SLC4A5: variants seen among roughly 807,000 people sequenced by gnomAD.
SLC4A5 encodes electrogenic sodium bicarbonate cotransporter 4.
Under a neutral mutation model 120.4 loss-of-function variants are expected in SLC4A5, and 96 were observed. That is an observed-to-expected ratio of 0.80 (90% CI 0.68 to 0.94). SLC4A5 has a LOEUF of 0.94. Ranked by LOEUF, SLC4A5 falls within the 40% of genes least tolerant of loss-of-function variation. The pLI is 0.00. For synonymous variants in SLC4A5, 550 were observed against 571.1 expected, an observed-to-expected ratio of 0.96 and a Z score of 0.53; for missense variants, 1,259 against 1,459.5, an observed-to-expected ratio of 0.86 and a Z score of 2.24.
intron 26 of SLC4A5, chr2:74,227,506 G>A: frequency 6.2e-7 from 1 of 1,611,244 alleles, no homozygotes; most frequent in Non-Finnish European, 8.5e-7. Context: ...GAGGTACAGT[G>A]AAATGCTCAC....
intron 22 of SLC4A5, among the ~76,000 whole-genome samples, chr2:74,234,336 G>A (rs866686332): frequency 2.0e-5 from 3 of 151,958 alleles, no homozygotes; most frequent in African/African-American, 7.3e-5. Context: ...CCGCCACCAC[G>A]CCCGGCTAAT....
intron 3 of SLC4A5, among the ~76,000 whole-genome samples, chr2:74,335,977 G>A (rs1673477271): frequency 6.6e-6 from 1 of 152,182 alleles, no homozygotes; most frequent in Non-Finnish European, 1.5e-5. Context: ...AATGTACTGA[G>A]TTTTTACTAT....
chr2:74,231,154 A>T, intron 25 of SLC4A5, 82 bp downstream of exon 25: 1 of 1,352,168 alleles, frequency 7.4e-7, no homozygotes, highest in Non-Finnish European at 1.0e-6. Context: ...ATCCCTAGCC[A>T]TGTGGGGACC....
intron 7 of SLC4A5, chr2:74,290,160 C>T (rs1672111773): frequency 1.0e-6 from 1 of 985,474 alleles, no homozygotes; most frequent in Admixed American, 6.1e-5. Context: ...CAAGGCCAGA[C>T]AAGAAGGCAA....
chr2:74,245,177 G>A (rs1447598723), intron 19 of SLC4A5, among the ~76,000 whole-genome samples: 2 of 152,074 alleles, frequency 1.3e-5, no homozygotes, highest in African/African-American at 4.8e-5. Context: ...AAATTAGCTG[G>A]GTGTGGTGGT....
intron 6 of SLC4A5, among the ~76,000 whole-genome samples, chr2:74,308,608 C>T (rs539018588): frequency 6.6e-6 from 1 of 152,250 alleles, no homozygotes; most frequent in South Asian, 2.1e-4. Context: ...TTGGTATTTT[C>T]AGATGCAAGT....
At chr2:74,224,924 G>T (rs1335793916) in exon 28 of SLC4A5, 12 of 1,613,746 alleles carry the variant, frequency 7.4e-6, no homozygotes, top group South Asian at 1.1e-5. Flanking sequence ...GGAGGATGTT[G>T]TCAATCCAGG....
chr2:74,306,100 G>A (rs1573083955), intron 6 of SLC4A5, among the ~76,000 whole-genome samples: 2 of 152,154 alleles, frequency 1.3e-5, no homozygotes. Flanking sequence ...GACAGAGCAG[G>A]AGCATTGCCA....
chr2:74,283,474 G>A (rs536195862), intron 8 of SLC4A5, among the ~76,000 whole-genome samples: 4 of 152,318 alleles, frequency 2.6e-5, no homozygotes, highest in Non-Finnish European at 4.4e-5. Flanking sequence ...TCTGAGGCCC[G>A]CAGGGACTTA....
chr2:74,304,352 A>T, intron 7 of SLC4A5, 137 bp downstream of exon 7: 1 of 847,246 alleles, frequency 1.2e-6, no homozygotes, highest in Admixed American at 2.9e-5. Flanking sequence ...GAAGCAGAGC[A>T]GAGGGGGCCA....
At chr2:74,270,327 T>G (rs1315881783) in intron 8 of SLC4A5, among the ~76,000 whole-genome samples, 3 of 152,236 alleles carry the variant, frequency 2.0e-5, no homozygotes, top group Non-Finnish European at 4.4e-5. Context: ...TCCATAGCAA[T>G]GGTTTTCAAC....
In SLC4A5 at chr2:74,329,327, C is replaced by T. The variant is rs752663978; in HGVS notation, c.-69-1141G>A. 5.9e-5 allele frequency among the ~76,000 whole-genome samples: 9 copies of T among 151,856 alleles called. 1 individual carries two copies. Among genetic ancestry groups the T allele is most frequent in the Middle Eastern group, 6.8e-3 (2 of 292 alleles). On this transcript the variant is annotated intron_variant, in intron 4 of 30. Transcript: ENST00000394019. ...TAAATTGGCCGGGTGTGGTGGCTCA[C>T]GCCCGTAATCCCAGCACTTTGGGAG...
intron 7 of SLC4A5, among the ~76,000 whole-genome samples, chr2:74,302,373 T>C (rs1672499135): frequency 6.6e-6 from 1 of 152,116 alleles, no homozygotes; most frequent in Non-Finnish European, 1.5e-5. Flanking sequence ...TCCCAGCACT[T>C]TGGGAGGCTG....
intron 6 of SLC4A5, 149 bp from the exon 7 acceptor site, chr2:74,304,829 G>T: frequency 2.9e-6 from 2 of 701,150 alleles, no homozygotes; most frequent in Non-Finnish European, 2.4e-6. Context: ...TGAGGCTTGG[G>T]TTTGACCAAG....
At chr2:74,284,162 C>CTTTTTTTTTTT (rs1182761794) in intron 8 of SLC4A5, among the ~76,000 whole-genome samples, 6 of 81,106 alleles carry the variant, frequency 7.4e-5, no homozygotes, top group African/African-American at 7.6e-5. Context: ...TTCCTTATTT[C>CTTTTTTTTTTT]TTTTTTTTTT....
intron 23 of SLC4A5, among the ~76,000 whole-genome samples, chr2:74,233,005 G>A (rs572450012): frequency 6.6e-6 from 1 of 152,270 alleles, no homozygotes; most frequent in East Asian, 1.9e-4. Flanking sequence ...TGGGGGAGGG[G>A]GTGACCCGAG....
intron 8 of SLC4A5, among the ~76,000 whole-genome samples, chr2:74,281,217 G>A (rs1040792064): frequency 1.3e-5 from 2 of 152,214 alleles, no homozygotes; most frequent in Non-Finnish European, 2.9e-5. Context: ...GCAGGTTCGT[G>A]TTTATGGTCT....
chr2:74,241,913 T>C, intron 20 of SLC4A5, 81 bp downstream of exon 20: 1 of 1,339,968 alleles, frequency 7.5e-7, no homozygotes, highest in Admixed American at 1.8e-5. Context: ...GGCCATAAGT[T>C]GGTCTCATTT....
At chr2:74,330,981 T>C (rs1463465753) in intron 4 of SLC4A5, among the ~76,000 whole-genome samples, 40 of 147,350 alleles carry the variant, frequency 2.7e-4, no homozygotes, top group Non-Finnish European at 5.3e-4. Flanking sequence ...GGTGGTGAGG[T>C]CTAGATGGAG....
Sources: allele counts gnomAD v4.1 joint callset (sites outside exome capture counted in the v4.1 genomes callset), GRCh38; gene constraint gnomAD v4.1.1; transcripts MANE v1.5; gene names NCBI Gene and HGNC (gene_info 2026-07-23, HGNC 2026-07-21).